FRMD5: variants seen among roughly 807,000 people sequenced by gnomAD.
FRMD5 encodes FERM domain containing 5.
A neutral mutation model predicts 69.0 loss-of-function variants in FRMD5; 20 were observed. That is an observed-to-expected ratio of 0.29 (90% CI 0.20 to 0.42). The LOEUF (loss-of-function observed/expected upper bound fraction) is 0.42. Among genes scored for constraint, FRMD5 ranks in the 10% least tolerant of loss-of-function variants. FRMD5 has a pLI of 1.00. For missense variants in FRMD5, 595 were observed against 708.6 expected (o/e 0.84, Z 1.82); for synonymous variants, 271 against 260.1 (o/e 1.04, Z -0.40).
intron 1 of FRMD5, among the ~76,000 whole-genome samples, chr15:43,981,374 T>A (rs1194771448): frequency 6.6e-6 from 1 of 152,196 alleles, no homozygotes; most frequent in Non-Finnish European, 1.5e-5. Context: ...TCATTTAGTG[T>A]AAATGGATTA....
chr15:44,020,375 A>C (rs1891161702), intron 1 of FRMD5, among the ~76,000 whole-genome samples: 1 of 152,192 alleles, frequency 6.6e-6, no homozygotes, highest in Non-Finnish European at 1.5e-5. Flanking sequence ...TGAGACACTG[A>C]GAAGTTATAT....
intron 1 of FRMD5, among the ~76,000 whole-genome samples, chr15:44,191,113 T>G (rs2078184953): frequency 6.6e-6 from 1 of 152,212 alleles, no homozygotes; most frequent in Admixed American, 6.5e-5. Flanking sequence ...ATCCATTATT[T>G]TAATATGTCT....
chr15:43,876,137 A>G (rs1042262035), intron 13 of FRMD5: 17 of 1,572,140 alleles, frequency 1.1e-5, no homozygotes, highest in Non-Finnish European at 1.5e-5. Flanking sequence ...CCTTTACTGC[A>G]TTGCCACCAC....
chr15:44,150,675 T>C (rs2077430121), intron 1 of FRMD5, among the ~76,000 whole-genome samples: 1 of 151,434 alleles, frequency 6.6e-6, no homozygotes, highest in African/African-American at 2.4e-5. Flanking sequence ...ATGCCTGTGG[T>C]CCCAGCTACT....
At chr15:43,991,168 G>A (rs1309717111) in intron 1 of FRMD5, among the ~76,000 whole-genome samples, 1 of 152,178 alleles carries the variant, frequency 6.6e-6, no homozygotes, top group Non-Finnish European at 1.5e-5. Context: ...TTTTATCATT[G>A]TAGAACTGTA....
intron 1 of FRMD5, among the ~76,000 whole-genome samples, chr15:43,995,914 G>A (rs1889898320): frequency 6.6e-6 from 1 of 152,160 alleles, no homozygotes; most frequent in African/African-American, 2.4e-5. Context: ...ACTGGGATGA[G>A]CCTGGACCCT....
chr15:44,127,815 G>A (rs1232348935), intron 1 of FRMD5, among the ~76,000 whole-genome samples: 4 of 151,996 alleles, frequency 2.6e-5, no homozygotes, highest in African/African-American at 4.8e-5. Flanking sequence ...GAGGCTGCAG[G>A]GAGTTGTGAT....
At chr15:44,168,533 G>T (rs1051170783) in intron 1 of FRMD5, among the ~76,000 whole-genome samples, 8 of 152,162 alleles carry the variant, frequency 5.3e-5, no homozygotes, top group African/African-American at 1.9e-4. Context: ...GAACACAACT[G>T]TAACTATATT....
intron 1 of FRMD5, among the ~76,000 whole-genome samples, chr15:43,929,194 C>A (rs2089634740): frequency 1.3e-5 from 2 of 152,118 alleles, no homozygotes; most frequent in South Asian, 4.1e-4. Context: ...TATGGTTTGC[C>A]TATTCTTTAG....
At chr15:43,890,314 T>C (rs7173258) in intron 8 of FRMD5, among the ~76,000 whole-genome samples, 4,199 of 152,286 alleles carry the variant, frequency 0.028, 200 homozygotes, top group African/African-American at 0.096. Flanking sequence ...AGGAGACTTC[T>C]AGAAGAAGTG....
intron 1 of FRMD5, among the ~76,000 whole-genome samples, chr15:43,974,100 C>T (rs2090428960): frequency 6.6e-6 from 1 of 151,374 alleles, no homozygotes; most frequent in South Asian, 2.1e-4. Context: ...GAGGCACTTT[C>T]AATGCAGAGT....
At chr15:43,893,196 G>A (rs1247816517) in intron 7 of FRMD5, among the ~76,000 whole-genome samples, 1 of 152,104 alleles carries the variant, frequency 6.6e-6, no homozygotes, top group Non-Finnish European at 1.5e-5. Flanking sequence ...AAGAGTGGGG[G>A]AGTTGTTATC....
chr15:44,040,992 CAAAAAAAAAAAAAAAAAAAAAAAA>C (rs71421819), intron 1 of FRMD5, among the ~76,000 whole-genome samples: 119 of 17,506 alleles, frequency 6.8e-3, no homozygotes, highest in African/African-American at 0.017. Context: ...AAATGGAAAG[CAAAAAAAAAAAAAAAAAAAAAAAA>C]AAAAAAAAAA....
chr15:44,157,989 G>A (rs753663226), intron 1 of FRMD5, among the ~76,000 whole-genome samples: 4 of 152,158 alleles, frequency 2.6e-5, no homozygotes, highest in Non-Finnish European at 4.4e-5. Flanking sequence ...AGTGTAAATG[G>A]AGTGATAAAG....
chr15:44,154,571 C>G (rs1467392108), intron 1 of FRMD5, among the ~76,000 whole-genome samples: 1 of 152,156 alleles, frequency 6.6e-6, no homozygotes, highest in Non-Finnish European at 1.5e-5. Context: ...AGAGTGGAAA[C>G]TGCTTGGTAG....
At chr15:43,879,601 G>A (rs1014749675) in intron 13 of FRMD5, 12 of 398,958 alleles carry the variant, frequency 3.0e-5, no homozygotes, top group Middle Eastern at 6.2e-4. Context: ...CTTAGGGGCC[G>A]AAAGCAGTGA....
chr15:43,879,694 T>A lies in FRMD5; in HGVS notation c.1135+4009A>T, dbSNP rs2088469605. On this transcript the variant is annotated intron_variant, in intron 13 of 13. Coordinates refer to ENST00000417257, the MANE Select transcript of FRMD5 (RefSeq NM_032892.5). ...ATGGTGGCCCAGGAAGGCAAATACT[T>A]CTTCAGTGGAAACCAGCTGATCTCT... 2.3e-5 allele frequency: 9 copies of A among 399,016 alleles called. No homozygotes were observed. The South Asian group carries it at 8.9e-4, about 40-fold the overall frequency. 24.7% of individuals were successfully genotyped at this position (399,016 alleles called of 1,614,324 possible).
intron 1 of FRMD5, chr15:43,989,210 T>TA: frequency 1.2e-6 from 1 of 822,684 alleles, no homozygotes. Flanking sequence ...GTGATCTTGA[T>TA]CTTCATTGTG....
intron 1 of FRMD5, chr15:44,101,610 G>A (rs1462660975): frequency 6.6e-6 from 1 of 152,558 alleles, no homozygotes; most frequent in Non-Finnish European, 1.5e-5. Flanking sequence ...GACAATGAAT[G>A]TACTTGTTCC....
Sources: gnomAD v4.1 joint callset for allele counts (sites outside exome capture counted in the v4.1 genomes callset) on GRCh38, gnomAD v4.1.1 for gene constraint, MANE v1.5 for transcripts, NCBI Gene and HGNC (gene_info 2026-07-23, HGNC 2026-07-21) for gene names.